DNAAF9: variants seen among roughly 807,000 people sequenced by gnomAD.
The protein encoded by DNAAF9 is dynein axonemal assembly factor 9, also known as shulin.
DNAAF9 carries 90 observed loss-of-function variants against 167.0 expected under a neutral mutation model. The ratio of observed to expected loss-of-function variants is 0.54; its 90% CI spans 0.45 to 0.64. The LOEUF is 0.64. Ranked by LOEUF, DNAAF9 falls within the 30% of genes least tolerant of loss-of-function variation. The pLI, the probability that DNAAF9 is intolerant of heterozygous loss-of-function variation, is 0.00. For synonymous variants in DNAAF9, 491 were observed against 508.8 expected (o/e 0.96, Z 0.47); for missense variants, 1,315 against 1,442.2 (o/e 0.91, Z 1.43).
intron 31 of DNAAF9, among the ~76,000 whole-genome samples, chr20:3,263,792 AAAGAC>A (rs1467535795): frequency 4.6e-5 from 7 of 152,252 alleles, no homozygotes; most frequent in Non-Finnish European, 8.8e-5. Context: ...TGTGTGGCTG[AAAGAC>A]TGAATTATAA....
Position 3,297,966 on chromosome 20 carries a change from C to T in DNAAF9, c.1929+63G>A, listed in dbSNP as rs2051123170. The T allele has an allele frequency of 8.4e-6, 11 of 1,307,360 alleles. No individual in the cohort carries two copies. The South Asian group carries it at 1.4e-4, about 16-fold the overall frequency. The allele number at this position is 1,307,360 out of a possible 1,614,324, so 81.0% of individuals were successfully genotyped here. On this transcript the variant is annotated intron_variant, in intron 22 of 36. Coordinates refer to ENST00000252032, the MANE Select transcript of DNAAF9 (RefSeq NM_001009984.3). ...TGTTAGCCCCAAAATGATGCCTTAC[C>T]ATTTAAATTGCTAGGGGGAAAAAAA...
chr20:3,361,735 T>C, intron 6 of DNAAF9: 1 of 745,332 alleles, frequency 1.3e-6, no homozygotes, highest in East Asian at 2.8e-5. Flanking sequence ...TCATTTACAG[T>C]ATCTTAACTT....
Position 3,340,586 on chromosome 20 carries a change from A to C in DNAAF9, c.899T>G (p.Leu300Arg), listed in dbSNP as rs2070062379. ...AGGGAAGTTAAAGTTGCCAGCATTC[A>C]GGTTTTCTCGTGTGGAGTGATTACC... is the stretch of plus-strand genomic sequence containing the variant. The part of the protein sequence containing the change: ...LFGNHSTREN[L>R]NAGNFNFPSE... The change falls in exon 10 of 37, where the codon CTG becomes CGG. Residue 300 changes from leucine to arginine, a missense_variant. Around this residue, in one of 2 missense-constraint regions of DNAAF9, gnomAD observed 981 missense variants for 1,012.5 expected, o/e 0.97. Coordinates refer to ENST00000252032, the MANE Select transcript of DNAAF9 (RefSeq NM_001009984.3). 6.2e-7 allele frequency: 1 copy of C among 1,613,830 alleles called. No homozygotes were observed. Among genetic ancestry groups the C allele is most frequent in the Non-Finnish European group, 8.5e-7 (1 of 1,179,782 alleles).
intron 3 of DNAAF9, 42 bp from the exon 4 acceptor site, chr20:3,376,344 AT>A: frequency 6.6e-7 from 1 of 1,515,930 alleles, no homozygotes. Context: ...TGTCAAACAC[AT>A]TTCTTTTAGA....
intron 5 of DNAAF9, 76 bp downstream of exon 5, chr20:3,374,954 T>C: frequency 1.3e-6 from 1 of 775,418 alleles, no homozygotes; most frequent in East Asian, 2.6e-5. Context: ...ATGCCCCCAA[T>C]GAAAGGAAAA....
Position 3,382,509 on chromosome 20 carries a change from G to T in DNAAF9, c.84-3C>A, listed in dbSNP as rs762492473. On this transcript the variant is annotated splice_polypyrimidine_tract_variant and splice_region_variant and intron_variant, in intron 1 of 36. Transcript: ENST00000252032. ...GAACCTGCCGAAGTCGACTGCAGCT[G>T]CAACAAGAACAGAAAATGGTCCCCT... 9.3e-6 allele frequency: 15 copies of T among 1,613,360 alleles called. No individual in the cohort carries two copies. Among genetic ancestry groups the T allele is most frequent in the Non-Finnish European group, 1.3e-5 (15 of 1,179,376 alleles).
intron 3 of DNAAF9, among the ~76,000 whole-genome samples, chr20:3,377,757 C>T (rs964446788): frequency 2.6e-5 from 4 of 152,052 alleles, no homozygotes; most frequent in Non-Finnish European, 4.4e-5. Context: ...TGCACCTGGC[C>T]AAGATCTCTG....
At chr20:3,296,575 C>A in intron 23 of DNAAF9, 1 of 392,148 alleles carries the variant, frequency 2.6e-6, no homozygotes, top group Non-Finnish European at 4.6e-6. Flanking sequence ...CGGGGTCTCA[C>A]TATGTTGCCC....
intron 26 of DNAAF9, among the ~76,000 whole-genome samples, chr20:3,288,220 C>T (rs954781633): frequency 3.3e-5 from 5 of 152,178 alleles, no homozygotes; most frequent in African/African-American, 9.7e-5. Context: ...GAGGCCGAGG[C>T]GGGCGGATCA....
chr20:3,284,550 T>C (rs2068818694), intron 27 of DNAAF9, among the ~76,000 whole-genome samples: 1 of 121,102 alleles, frequency 8.3e-6, no homozygotes. Flanking sequence ...AACTGTCTCT[T>C]CACGTTTGCT....
intron 25 of DNAAF9, among the ~76,000 whole-genome samples, chr20:3,290,832 A>G (rs1437077849): frequency 7.0e-6 from 1 of 142,090 alleles, no homozygotes; most frequent in African/African-American, 2.6e-5. Context: ...TCTGTCGCCC[A>G]GGCTGAAGTG....
At chr20:3,406,263 C>T (rs2084053383) in intron 1 of DNAAF9, among the ~76,000 whole-genome samples, 1 of 152,162 alleles carries the variant, frequency 6.6e-6, no homozygotes, top group Non-Finnish European at 1.5e-5. Context: ...AAAATCAGAT[C>T]AGCAAGCAAA....
At chr20:3,320,641 C>T (rs1201324602) in intron 16 of DNAAF9, among the ~76,000 whole-genome samples, 2 of 152,158 alleles carry the variant, frequency 1.3e-5, no homozygotes, top group African/African-American at 4.8e-5. Context: ...TCTAAAAGAA[C>T]ATCCACACAA....
intron 7 of DNAAF9, among the ~76,000 whole-genome samples, chr20:3,354,591 G>A (rs1287999005): frequency 6.6e-6 from 1 of 152,154 alleles, no homozygotes; most frequent in East Asian, 1.9e-4. Flanking sequence ...ATTCAGCAGA[G>A]GACTATTCTG....
chr20:3,292,868 C>T (rs962764893), intron 25 of DNAAF9, among the ~76,000 whole-genome samples: 2 of 151,348 alleles, frequency 1.3e-5, no homozygotes, highest in African/African-American at 2.4e-5. Flanking sequence ...GGAGTGTGAA[C>T]CAGGTCAGGA....
chr20:3,394,949 CTTTTTTTTTTTTTT>C (rs10522445), intron 1 of DNAAF9, among the ~76,000 whole-genome samples: 11 of 102,130 alleles, frequency 1.1e-4, no homozygotes, highest in Admixed American at 4.6e-4. Flanking sequence ...TTTCTTTTTT[CTTTTTTTTTTTTTT>C]TTTTTTTTTT....
At chr20:3,348,710 C>A (rs978326177) in intron 7 of DNAAF9, 87 bp from the exon 8 acceptor site, 1 of 713,270 alleles carries the variant, frequency 1.4e-6, no homozygotes, top group Non-Finnish European at 2.3e-6. Flanking sequence ...TAACTTATCT[C>A]AAAACACCAG....
chr20:3,319,853 G>A (rs2069582966), intron 16 of DNAAF9, among the ~76,000 whole-genome samples: 1 of 152,186 alleles, frequency 6.6e-6, no homozygotes, highest in Non-Finnish European at 1.5e-5. Flanking sequence ...TTTCAGGTTT[G>A]ACAACTGGAA....
At chr20:3,328,285 G>A (rs2069753554) in intron 12 of DNAAF9, among the ~76,000 whole-genome samples, 1 of 150,834 alleles carries the variant, frequency 6.6e-6, no homozygotes, top group African/African-American at 2.5e-5. Flanking sequence ...GGGTTCAAGC[G>A]ATTTTCCTGC....
Sources: gnomAD v4.1 joint callset for allele counts (sites outside exome capture counted in the v4.1 genomes callset) on GRCh38, gnomAD v4.1.1 for gene constraint, gnomAD v4.1.1 regional missense constraint, MANE v1.5 for transcripts, NCBI Gene and HGNC (gene_info 2026-07-23, HGNC 2026-07-21) for gene names.